The following SBF2 variants were observed in gnomAD, a reference collection of about 807,000 sequenced individuals.
The protein encoded by SBF2 is myotubularin-related protein 13.
In SBF2, 112 loss-of-function variants were observed where a neutral mutation model predicts 225.2. That is an observed-to-expected ratio of 0.50 (90% CI 0.43 to 0.58). The LOEUF is 0.58. Ranked by LOEUF, SBF2 falls within the 20% of genes least tolerant of loss-of-function variation. SBF2 has a pLI of 0.00. For missense variants in SBF2, 1,996 were observed against 2,206.2 expected (o/e 0.90, Z 1.91); for synonymous variants, 763 against 773.3 (o/e 0.99, Z 0.22).
rs561746361 is a variant in SBF2, at chr11:10,185,714, ATCTTTTCGTGTGC to A, written c.141+8175_141+8187del. Among the ~76,000 whole-genome samples, 12 of 151,274 alleles carry A rather than the reference ATCTTTTCGTGTGC, an allele frequency of 7.9e-5. No individual in the cohort carries two copies. The South Asian group carries it at 2.1e-3, about 26-fold the overall frequency. The stretch of plus-strand genomic sequence containing the variant: ...TTCCTTAATAATTGGTGATGTTAGC[ATCTTTTCGTGTGC>A]TTGTAGATCTCCTTATCTCGTACTT... On this transcript the variant is annotated intron_variant, in intron 2 of 39. Coordinates refer to ENST00000256190, the MANE Select transcript of SBF2 (RefSeq NM_030962.4).
intron 1 of SBF2, among the ~76,000 whole-genome samples, chr11:10,279,106 T>TAAAAAA (rs58093618): frequency 8.9e-5 from 5 of 56,114 alleles, no homozygotes; most frequent in East Asian, 5.5e-4. Flanking sequence ...GGTCTTGTAT[T>TAAAAAA]AAAAAAAAAA....
At chr11:10,013,627 C>T (rs1173711199) in intron 6 of SBF2, among the ~76,000 whole-genome samples, 1 of 152,212 alleles carries the variant, frequency 6.6e-6, no homozygotes, top group African/African-American at 2.4e-5. Context: ...TTGTCCAATG[C>T]TGTCCAATTT....
intron 30 of SBF2, among the ~76,000 whole-genome samples, chr11:9,811,507 T>C (rs1052591419): frequency 6.6e-6 from 1 of 152,150 alleles, no homozygotes; most frequent in Non-Finnish European, 1.5e-5. Flanking sequence ...ATAAGTTGGG[T>C]GGAGGGGTCC....
At chr11:10,252,141 T>C (rs999790685) in intron 1 of SBF2, among the ~76,000 whole-genome samples, 1 of 152,258 alleles carries the variant, frequency 6.6e-6, no homozygotes, top group Non-Finnish European at 1.5e-5. Context: ...AGGTACCCTC[T>C]ACTCAGTCCT....
chr11:10,081,759 CAAA>C (rs59208091), intron 2 of SBF2, among the ~76,000 whole-genome samples: 3 of 120,530 alleles, frequency 2.5e-5, no homozygotes, highest in Non-Finnish European at 3.4e-5. Flanking sequence ...GACTCCACCT[CAAA>C]AAAAAAAAAA....
At chr11:9,786,077 A>G (rs1281266547) in intron 36 of SBF2, among the ~76,000 whole-genome samples, 1 of 152,050 alleles carries the variant, frequency 6.6e-6, no homozygotes, top group Admixed American at 6.5e-5. Flanking sequence ...CATGCTGGCT[A>G]TGCTGGTCTC....
At chr11:9,828,220 C>T in intron 28 of SBF2, 1 of 1,287,848 alleles carries the variant, frequency 7.8e-7, no homozygotes, top group South Asian at 1.2e-5. Context: ...TCCTTTCAGT[C>T]CCTAAAGTCA....
Position 9,847,029 on chromosome 11 carries a change from T to C in SBF2, c.2861A>G (p.Lys954Arg), listed in dbSNP as rs769324671. 26 of 1,613,724 alleles carry C rather than the reference T, an allele frequency of 1.6e-5. No individual in the cohort carries two copies. The highest frequency in any genetic ancestry group is 2.2e-5 in the Non-Finnish European group (26 of 1,179,740). The change falls in exon 23 of 40, where the codon AAG becomes AGG. Residue 954 changes from lysine to arginine, a missense_variant. Transcript: ENST00000256190. Reference sequence around the variant, plus strand: ...TAGCTGGTTCTGCATTGTAATCTTCTTCTCCTTGGTGATGGAGGCAATGGG... The same window carrying C: ...TAGCTGGTTCTGCATTGTAATCTTCCTCTCCTTGGTGATGGAGGCAATGGG... ...SFPIASITKE[K>R]KITMQNQLQQ...
chr11:9,892,868 C>T (rs560736207), intron 17 of SBF2, among the ~76,000 whole-genome samples: 4 of 101,592 alleles, frequency 3.9e-5, no homozygotes, highest in Admixed American at 2.8e-4. Context: ...ATATACATAA[C>T]TTTTACTTAA....
intron 13 of SBF2, among the ~76,000 whole-genome samples, chr11:9,971,797 A>G (rs1245243482): frequency 6.6e-6 from 1 of 152,234 alleles, no homozygotes; most frequent in Admixed American, 6.5e-5. Flanking sequence ...ACATACAAAG[A>G]CCAAAAATAG....
intron 13 of SBF2, 65 bp from the exon 14 acceptor site, chr11:9,968,610 G>A: frequency 7.5e-7 from 1 of 1,331,980 alleles, no homozygotes; most frequent in Non-Finnish European, 1.1e-6. Context: ...CACCAGGAAG[G>A]GAGTGGGAGC....
chr11:9,842,855 T>C, intron 24 of SBF2, 85 bp from the exon 25 acceptor site: 3 of 1,381,110 alleles, frequency 2.2e-6, no homozygotes, highest in Non-Finnish European at 3.1e-6. Context: ...TCAAATTGTT[T>C]CTTCTCCTTT....
chr11:9,807,776 G>T (rs17353206), intron 32 of SBF2: 6 of 583,262 alleles, frequency 1.0e-5, no homozygotes, highest in Non-Finnish European at 1.5e-5. Flanking sequence ...CTTCACTTGG[G>T]GCAAGCCCAA....
At chr11:10,047,341 G>A (rs1348127478) in intron 2 of SBF2, among the ~76,000 whole-genome samples, 1 of 152,108 alleles carries the variant, frequency 6.6e-6, no homozygotes, top group Non-Finnish European at 1.5e-5. Context: ...AACAGCTGGA[G>A]GACTGACACT....
intron 2 of SBF2, among the ~76,000 whole-genome samples, chr11:10,137,072 A>AT (rs928530471): frequency 3.9e-5 from 6 of 151,974 alleles, no homozygotes; most frequent in South Asian, 2.1e-4. Flanking sequence ...TAGATCTTTA[A>AT]TTTTTTCCCC....
chr11:10,249,457 GA>G (rs950993555), intron 1 of SBF2, among the ~76,000 whole-genome samples: 3 of 151,304 alleles, frequency 2.0e-5, no homozygotes, highest in Admixed American at 6.6e-5. Context: ...CACTATCAAA[GA>G]AAAAAAAGAA....
At position 9,963,827 on chromosome 11, in the gene SBF2, A is replaced by G; in HGVS notation, c.1656T>C (p.Val552=). Residue 552 remains valine, a synonymous_variant, in exon 15 of 40, where the codon GTT becomes GTC. Transcript: ENST00000256190. ...ATATGAATGAGATACAGTTTCTGACAACTTCTAGTCTTTGTGCACTGTTGA... is the reference window on the plus strand; with the variant it reads ...ATATGAATGAGATACAGTTTCTGACGACTTCTAGTCTTTGTGCACTGTTGA... ...TVFNSAQRLE[V]VRNCISFIFE... 1 of 1,611,642 alleles carries G rather than the reference A, an allele frequency of 6.2e-7. No homozygotes were observed. Among genetic ancestry groups the G allele is most frequent in the Non-Finnish European group, 8.5e-7 (1 of 1,178,182 alleles).
chr11:10,181,849 G>C (rs1956748298), intron 2 of SBF2, among the ~76,000 whole-genome samples: 1 of 152,086 alleles, frequency 6.6e-6, no homozygotes, highest in African/African-American at 2.4e-5. Flanking sequence ...ATTTATATTT[G>C]ATTAATGAGC....
At chr11:9,953,744 A>C (rs1348997380) in intron 16 of SBF2, among the ~76,000 whole-genome samples, 2 of 138,558 alleles carry the variant, frequency 1.4e-5, no homozygotes, top group East Asian at 4.1e-4. Context: ...GAGTATAAAG[A>C]GGTATACATT....
Sources: gnomAD v4.1 joint callset for allele counts (sites outside exome capture counted in the v4.1 genomes callset) on GRCh38, gnomAD v4.1.1 for gene constraint, MANE v1.5 for transcripts, NCBI Gene and HGNC (gene_info 2026-07-23, HGNC 2026-07-21) for gene names.